The following ZC2HC1B variants were observed in gnomAD, a reference collection of about 807,000 sequenced individuals.
The protein encoded by ZC2HC1B is zinc finger C2HC-type containing 1B.
A neutral mutation model predicts 31.0 loss-of-function variants in ZC2HC1B; 36 were observed. The ratio of observed to expected loss-of-function variants is 1.16; its 90% CI spans 0.89 to 1.54. The LOEUF (loss-of-function observed/expected upper bound fraction) is 1.54. Among genes scored for constraint, ZC2HC1B ranks in the 40% most tolerant of loss-of-function variants. The pLI, the probability that ZC2HC1B is intolerant of heterozygous loss-of-function variation, is 0.00. For missense variants in ZC2HC1B, 260 were observed against 268.6 expected (o/e 0.97, Z 0.22); for synonymous variants, 73 against 88.0 (o/e 0.83, Z 0.95).
rs1222951247 is a variant in ZC2HC1B, at chr6:143,864,584, A to G, written c.28+17A>G. The G allele has an allele frequency of 6.4e-7, 1 of 1,551,562 alleles. No homozygotes were observed. Among genetic ancestry groups the G allele is most frequent in the South Asian group, 1.2e-5 (1 of 84,066 alleles). On this transcript the variant is annotated intron_variant, in intron 1 of 7. Transcript: ENST00000237275. ...TTTTGGCAGGTGAGCTGCACTTGATATCTAAATTATTAGAAAATGCCTTCA... is the reference window on the plus strand; with the variant it reads ...TTTTGGCAGGTGAGCTGCACTTGATGTCTAAATTATTAGAAAATGCCTTCA...
intron 1 of ZC2HC1B, among the ~76,000 whole-genome samples, chr6:143,873,562 A>G (rs1475202150): frequency 6.6e-6 from 1 of 152,238 alleles, no homozygotes; most frequent in Non-Finnish European, 1.5e-5. Context: ...TTGCCTGAGA[A>G]TCCAGGCGTT....
chr6:143,869,317 C>T lies in ZC2HC1B; in HGVS notation c.28+4750C>T, dbSNP rs919600951. On this transcript the variant is annotated intron_variant, in intron 1 of 7. Coordinates refer to ENST00000237275, the MANE Select transcript of ZC2HC1B (RefSeq NM_001013623.3). The surrounding 1 kb of genome is among the most constrained non-coding windows in gnomAD (Gnocchi z 5.2). Reference sequence around the variant, plus strand: ...TACACGATCTTCTGGAGAACTTTACCCCAGCCCTTCAACGTATTGTCACCT... The same window carrying T: ...TACACGATCTTCTGGAGAACTTTACTCCAGCCCTTCAACGTATTGTCACCT... Among the ~76,000 whole-genome samples, 18 of 152,162 alleles carry T rather than the reference C, an allele frequency of 1.2e-4. No homozygotes were observed. The highest frequency in any genetic ancestry group is 4.1e-4 in the African/African-American group (17 of 41,440).
rs187602369 is a variant in ZC2HC1B, at chr6:143,913,122, A to T, written c.598+9970A>T. Among the ~76,000 whole-genome samples the T allele has an allele frequency of 3.0e-4, 46 of 152,310 alleles. No individual in the cohort carries two copies. The highest frequency in any genetic ancestry group is 1.1e-3 in the African/African-American group (45 of 41,574). ...AACAGCTAAGTCATCCAACCAACCC[A>T]GGTGACAGCCCTCCCCTCCTCTGGG... On this transcript the variant is annotated intron_variant, in intron 6 of 7. Transcript: ENST00000237275. The surrounding 1 kb of genome is among the most constrained non-coding windows in gnomAD (Gnocchi z 5.7).
At position 143,877,140 on chromosome 6, in the gene ZC2HC1B, G is replaced by A. The variant is rs75750442; in HGVS notation, c.29-7164G>A. Among the ~76,000 whole-genome samples, 927 of 149,514 alleles carry A rather than the reference G, an allele frequency of 6.2e-3. 52 individuals carry two copies. The highest frequency in any genetic ancestry group is 0.022 in the African/African-American group (872 of 40,442). ...TTGAAGTATTATTTGGAGTAGACCC[G>A]TCTGGACTGGTATTCTAATTTGCTT... On this transcript the variant is annotated intron_variant, in intron 1 of 7. Transcript: ENST00000237275.
chr6:143,938,199 G>A lies in ZC2HC1B; in HGVS notation c.*72G>A, dbSNP rs1397087238. On this transcript the variant is annotated 3_prime_UTR_variant, in exon 8 of 8. Transcript: ENST00000237275. The surrounding 1 kb of genome is among the most constrained non-coding windows in gnomAD (Gnocchi z 4.2). ...TTGCGTACCCGAGAATGCCACCTAA[G>A]GGGAAGGAACGGTAGATGTGATGTC... The A allele has an allele frequency of 6.6e-6, 1 of 152,578 alleles. No individual in the cohort carries two copies. The highest frequency in any genetic ancestry group is 1.5e-5 in the Non-Finnish European group (1 of 68,324). 9.5% of individuals were successfully genotyped at this position (152,578 alleles called of 1,614,324 possible).
At chr6:143,873,917 G>T (rs1183360616) in intron 1 of ZC2HC1B, among the ~76,000 whole-genome samples, 1 of 152,216 alleles carries the variant, frequency 6.6e-6, no homozygotes, top group Non-Finnish European at 1.5e-5. Context: ...TAGACTCCTT[G>T]CTACTTATGC....
rs1259642638 is a variant in ZC2HC1B at position 143,938,263 on chromosome 6, G to C, written c.*136G>C. The C allele has an allele frequency of 6.6e-6, 1 of 152,170 alleles. No individual in the cohort carries two copies. Among genetic ancestry groups the C allele is most frequent in the Non-Finnish European group, 1.5e-5 (1 of 68,062 alleles). The allele number at this position is 152,170 out of a possible 1,614,324, so 9.4% of individuals were successfully genotyped here. On this transcript the variant is annotated 3_prime_UTR_variant, in exon 8 of 8. Coordinates refer to ENST00000237275, the MANE Select transcript of ZC2HC1B (RefSeq NM_001013623.3). The surrounding 1 kb of genome is among the most constrained non-coding windows in gnomAD (Gnocchi z 4.2). ...TTGATTCTTCTTGAAGCATCACTTAGAACAAGTAAAACTTGCTTCAGATTT... is the reference window on the plus strand; with the variant it reads ...TTGATTCTTCTTGAAGCATCACTTACAACAAGTAAAACTTGCTTCAGATTT...
chr6:143,866,639 C>A (rs904344952), intron 1 of ZC2HC1B, among the ~76,000 whole-genome samples: 3 of 152,206 alleles, frequency 2.0e-5, no homozygotes. Flanking sequence ...CATCAAGTCA[C>A]CTCAGTTGAA....
chr6:143,881,536 C>A lies in ZC2HC1B; in HGVS notation c.29-2768C>A, dbSNP rs574966972. Reference sequence around the variant, plus strand: ...ACTGTACCCTAGCCTGGGTGAAAGACCGAGACCCTGTCTCAAAAAAAAAAA... The same window carrying A: ...ACTGTACCCTAGCCTGGGTGAAAGAACGAGACCCTGTCTCAAAAAAAAAAA... On this transcript the variant is annotated intron_variant, in intron 1 of 7. Coordinates refer to ENST00000237275, the MANE Select transcript of ZC2HC1B (RefSeq NM_001013623.3). 3.8e-5 allele frequency among the ~76,000 whole-genome samples: 5 copies of A among 131,008 alleles called. No homozygotes were observed. The South Asian group carries it at 1.2e-3, about 31-fold the overall frequency. The allele number at this position is 131,008 out of a possible 152,430, so 85.9% of individuals were successfully genotyped here.
chr6:143,916,906 G>A (rs1356983636), intron 6 of ZC2HC1B, among the ~76,000 whole-genome samples: 3 of 152,172 alleles, frequency 2.0e-5, no homozygotes, highest in Non-Finnish European at 4.4e-5. Context: ...GGACTTTTGC[G>A]TTAATGCTGA....
At chr6:143,896,153 C>G (rs1777663818) in intron 4 of ZC2HC1B, among the ~76,000 whole-genome samples, 1 of 152,182 alleles carries the variant, frequency 6.6e-6, no homozygotes, top group South Asian at 2.1e-4. Context: ...CCTAGTGCCT[C>G]TTCTTCTACA....
intron 6 of ZC2HC1B, among the ~76,000 whole-genome samples, chr6:143,929,201 A>G (rs978979226): frequency 6.6e-6 from 1 of 152,074 alleles, no homozygotes; most frequent in African/African-American, 2.4e-5. Flanking sequence ...ACTTTTTCCC[A>G]GTGTGTTATT....
intron 1 of ZC2HC1B, among the ~76,000 whole-genome samples, chr6:143,880,475 C>T (rs1777454772): frequency 6.6e-6 from 1 of 152,136 alleles, no homozygotes; most frequent in Non-Finnish European, 1.5e-5. Context: ...TCTGTGTGTG[C>T]CCTTCCAGTC....
chr6:143,874,978 G>T (rs933458957), intron 1 of ZC2HC1B, among the ~76,000 whole-genome samples: 1 of 152,034 alleles, frequency 6.6e-6, no homozygotes, highest in African/African-American at 2.4e-5. Flanking sequence ...GACTGCAGGT[G>T]CTCACCACCA....
intron 4 of ZC2HC1B, among the ~76,000 whole-genome samples, chr6:143,888,387 G>A (rs964309298): frequency 6.6e-5 from 10 of 152,000 alleles, no homozygotes; most frequent in African/African-American, 2.4e-4. Context: ...GGTCCTTTGA[G>A]AGTCCATATG....
intron 6 of ZC2HC1B, 126 bp from the exon 7 acceptor site, chr6:143,937,523 C>A (rs1334186699): frequency 2.2e-5 from 12 of 545,302 alleles, no homozygotes; most frequent in Admixed American, 9.3e-5. Flanking sequence ...CACACTCCCC[C>A]ACCTCCCACC....
rs572208396 is a variant in ZC2HC1B, at chr6:143,876,952, G to A, written c.29-7352G>A. On this transcript the variant is annotated intron_variant, in intron 1 of 7. Coordinates refer to ENST00000237275, the MANE Select transcript of ZC2HC1B (RefSeq NM_001013623.3). Reference sequence around the variant, plus strand: ...ACTGACTCAAGTGTTAATCTCCTTTGGCAACACCCTCACAGACACACCCAC... The same window carrying A: ...ACTGACTCAAGTGTTAATCTCCTTTAGCAACACCCTCACAGACACACCCAC... Among the ~76,000 whole-genome samples, 8 of 150,508 alleles carry A rather than the reference G, an allele frequency of 5.3e-5. 1 individual carries two copies. Among genetic ancestry groups the A allele is most frequent in the Middle Eastern group, 3.4e-3 (1 of 294 alleles).
intron 6 of ZC2HC1B, among the ~76,000 whole-genome samples, chr6:143,919,217 CTGTGTGTGTGTGTG>C (rs71024878): frequency 2.1e-4 from 26 of 123,594 alleles, no homozygotes; most frequent in African/African-American, 3.8e-4. Flanking sequence ...TTGCTATTCT[CTGTGTGTGTGTGTG>C]TGTGTGTGTG....
Position 143,887,717 on chromosome 6 carries a change from C to G in ZC2HC1B, c.349+896C>G, listed in dbSNP as rs541398510. Among the ~76,000 whole-genome samples the G allele has an allele frequency of 6.6e-6, 1 of 152,130 alleles. No individual in the cohort carries two copies. The highest frequency in any genetic ancestry group is 2.1e-4 in the South Asian group (1 of 4,814). ...TAGTCATATTGTTAAATTTTTTCCT[C>G]TATCTCATCTTTATGTAAACTGAAA... On this transcript the variant is annotated intron_variant, in intron 4 of 7. Transcript: ENST00000237275. The surrounding 1 kb of genome is among the most constrained non-coding windows in gnomAD (Gnocchi z 5.1).
Sources: gnomAD v4.1 joint callset for allele counts (sites outside exome capture counted in the v4.1 genomes callset) on GRCh38, gnomAD v4.1.1 for gene constraint, Gnocchi (gnomAD v3.1) non-coding constraint, MANE v1.5 for transcripts, NCBI Gene and HGNC (gene_info 2026-07-23, HGNC 2026-07-21) for gene names.